ATF7IP: variants seen among roughly 807,000 people sequenced by gnomAD.
ATF7IP encodes activating transcription factor 7-interacting protein 1.
A neutral mutation model predicts 106.4 loss-of-function variants in ATF7IP; 23 were observed. The observed-to-expected ratio is 0.22, with a 90% CI of 0.16 to 0.31. ATF7IP has a LOEUF of 0.31. ATF7IP is among the 10% of genes least tolerant of loss of function. The pLI is 1.00. For synonymous variants in ATF7IP, 542 were observed against 539.0 expected (o/e 1.01, Z -0.08); for missense variants, 1,334 against 1,524.3 (o/e 0.88, Z 2.08).
Position 14,473,286 on chromosome 12 carries a change from C to CTA in ATF7IP, c.2863-2603_2863-2602insAT, listed in dbSNP as rs766915991. Among the ~76,000 whole-genome samples the CTA allele has an allele frequency of 1.1e-3, 58 of 53,748 alleles. 1 individual carries two copies. The highest frequency in any genetic ancestry group is 6.1e-3 in the African/African-American group (51 of 8,410). The allele number at this position is 53,748 out of a possible 152,430, so 35.3% of individuals were successfully genotyped here. ...TAGCTTTTTAGCGCGCTCTCTCTCT[C>CTA]TCTCTGTGTGTGTGTGTGTGTGTGT... On this transcript the variant is annotated intron_variant, in intron 10 of 14. Transcript: ENST00000261168.
intron 4 of ATF7IP, 107 bp downstream of exon 4, chr12:14,436,358 C>A: frequency 8.5e-7 from 1 of 1,177,202 alleles, no homozygotes; most frequent in South Asian, 1.5e-5. Context: ...TGTGGTTTAT[C>A]ATAGAAAGAA....
intron 1 of ATF7IP, among the ~76,000 whole-genome samples, chr12:14,401,690 G>A (rs1430126775): frequency 1.5e-5 from 2 of 135,314 alleles, no homozygotes; most frequent in African/African-American, 2.7e-5. Context: ...CCTGTTTTTA[G>A]CATTGTTTCA....
At chr12:14,409,882 C>T (rs1940810314) in intron 1 of ATF7IP, among the ~76,000 whole-genome samples, 1 of 152,110 alleles carries the variant, frequency 6.6e-6, no homozygotes, top group Non-Finnish European at 1.5e-5. Context: ...ATGAAAAACA[C>T]TCAACTGAAG....
intron 10 of ATF7IP, 119 bp from the exon 11 acceptor site, chr12:14,475,771 A>G (rs7298275): frequency 1 from 659,293 of 659,350 alleles, 329,618 homozygotes; most frequent in Middle Eastern, 1. Flanking sequence ...CAGCCATTTA[A>G]GGGTCCAGAT....
At chr12:14,459,313 G>A (rs543547125) in intron 8 of ATF7IP, among the ~76,000 whole-genome samples, 6 of 151,398 alleles carry the variant, frequency 4.0e-5, no homozygotes, top group Non-Finnish European at 8.8e-5. Context: ...ACTTTGGCAC[G>A]CAGTAGTTGT....
intron 12 of ATF7IP, among the ~76,000 whole-genome samples, chr12:14,479,031 G>T (rs1944350343): frequency 6.6e-6 from 1 of 152,146 alleles, no homozygotes; most frequent in Admixed American, 6.6e-5. Flanking sequence ...TAAAACTCTG[G>T]TGATTACTAA....
Position 14,501,578 on chromosome 12 carries a change from T to C in ATF7IP, c.*3505T>C, listed in dbSNP as rs1240899252. On this transcript the variant is annotated 3_prime_UTR_variant, in exon 15 of 15. Transcript: ENST00000261168. Reference sequence around the variant, plus strand: ...ACTCATTTTTAAAAAATATGCCGAATACTGCATACTGTTTAAGGTAGTATA... The same window carrying C: ...ACTCATTTTTAAAAAATATGCCGAACACTGCATACTGTTTAAGGTAGTATA... 6.6e-6 allele frequency: 1 copy of C among 152,176 alleles called. No homozygotes were observed. The highest frequency in any genetic ancestry group is 1.5e-5 in the Non-Finnish European group (1 of 68,022). 9.4% of individuals were successfully genotyped at this position (152,176 alleles called of 1,614,324 possible).
chr12:14,415,295 A>G (rs1298812936), intron 1 of ATF7IP, among the ~76,000 whole-genome samples: 7 of 152,230 alleles, frequency 4.6e-5, no homozygotes, highest in Non-Finnish European at 1.0e-4. Context: ...CAATGATCCC[A>G]AAAATTGACT....
At chr12:14,406,379 G>A (rs1356473942) in intron 1 of ATF7IP, among the ~76,000 whole-genome samples, 4 of 152,162 alleles carry the variant, frequency 2.6e-5, no homozygotes, top group African/African-American at 4.8e-5. Context: ...GATTACTGGC[G>A]AGAGCCACCG....
In ATF7IP at chr12:14,501,875, T is replaced by C. The variant is rs566155183; in HGVS notation, c.*3802T>C. The C allele has an allele frequency of 4.6e-5, 7 of 152,346 alleles. No homozygotes were observed. Among genetic ancestry groups the C allele is most frequent in the African/African-American group, 1.7e-4 (7 of 41,574 alleles). The allele number at this position is 152,346 out of a possible 1,614,324, so 9.4% of individuals were successfully genotyped here. On this transcript the variant is annotated 3_prime_UTR_variant, in exon 15 of 15. Transcript: ENST00000261168. ...CTTTTGCTTTAAATATTCTCCAAAT[T>C]ACCATTTATGCAACATGGTTAGGGT...
intron 13 of ATF7IP, among the ~76,000 whole-genome samples, chr12:14,483,652 C>G (rs1731245457): frequency 6.6e-6 from 1 of 152,010 alleles, no homozygotes; most frequent in African/African-American, 2.4e-5. Context: ...GATTCCTGGA[C>G]CCATGAATCC....
rs1457461422 is a variant in ATF7IP at position 14,499,398 on chromosome 12, G to A, written c.*1325G>A. On this transcript the variant is annotated 3_prime_UTR_variant, in exon 15 of 15. Coordinates refer to ENST00000261168, the MANE Select transcript of ATF7IP (RefSeq NM_018179.5). ...CAGTTTTTCACACATTTTAGTATCC[G>A]TGTTGCACACTGTGTTAGAGATTAT... 3.3e-5 allele frequency: 5 copies of A among 152,156 alleles called. No homozygotes were observed. The highest frequency in any genetic ancestry group is 4.8e-5 in the African/African-American group (2 of 41,428). 9.4% of individuals were successfully genotyped at this position (152,156 alleles called of 1,614,324 possible).
At chr12:14,415,287 A>G (rs1941143103) in intron 1 of ATF7IP, among the ~76,000 whole-genome samples, 1 of 152,240 alleles carries the variant, frequency 6.6e-6, no homozygotes, top group South Asian at 2.1e-4. Flanking sequence ...ATGTAACACA[A>G]TGATCCCAAA....
At position 14,460,712 on chromosome 12, in the gene ATF7IP, C is replaced by T; in HGVS notation, c.2376C>T (p.Ser792=). 25 of 1,614,194 alleles carry T rather than the reference C, an allele frequency of 1.5e-5. No individual in the cohort carries two copies. Among genetic ancestry groups the T allele is most frequent in the Non-Finnish European group, 2.0e-5 (24 of 1,180,030 alleles). Residue 792 remains serine, a synonymous_variant, in exon 9 of 15, where the codon TCC becomes TCT. Transcript: ENST00000261168. Reference sequence around the variant, plus strand: ...TTTTGCATGTACCTGTTGCAGTATCCTCCCAGCCTCAGCTTCTACAGAGCC... The same window carrying T: ...TTTTGCATGTACCTGTTGCAGTATCTTCCCAGCCTCAGCTTCTACAGAGCC... The part of the protein sequence containing the change: ...PVILHVPVAV[S]SQPQLLQSHP...
intron 1 of ATF7IP, among the ~76,000 whole-genome samples, chr12:14,372,478 ACCATAGGC>A (rs1296994624): frequency 6.7e-6 from 1 of 148,506 alleles, no homozygotes. Flanking sequence ...AAAAAAAAAT[ACCATAGGC>A]CTAAGGGAAC....
Position 14,498,343 on chromosome 12 carries a change from A to T in ATF7IP, c.*270A>T, listed in dbSNP as rs924278496. On this transcript the variant is annotated 3_prime_UTR_variant, in exon 15 of 15. Coordinates refer to ENST00000261168, the MANE Select transcript of ATF7IP (RefSeq NM_018179.5). ...GGCTGGGGAATATGTGTGGGTGTTT[A>T]TGTGTGTTTTTCCTTATGTAGGTGT... 5.5e-6 allele frequency: 2 copies of T among 362,862 alleles called. No homozygotes were observed. The highest frequency in any genetic ancestry group is 4.2e-5 in the African/African-American group (2 of 48,184). 22.5% of individuals were successfully genotyped at this position (362,862 alleles called of 1,614,324 possible).
intron 2 of ATF7IP, 65 bp downstream of exon 2, chr12:14,425,538 T>G: frequency 7.1e-7 from 1 of 1,417,306 alleles, no homozygotes; most frequent in Non-Finnish European, 9.4e-7. Flanking sequence ...AATAAAACAT[T>G]ATCATAATGT....
intron 13 of ATF7IP, among the ~76,000 whole-genome samples, chr12:14,492,766 G>T (rs1467567412): frequency 6.6e-6 from 1 of 152,060 alleles, no homozygotes; most frequent in Admixed American, 6.6e-5. Context: ...CCACCACTTG[G>T]CCCCTGCCAA....
chr12:14,417,652 T>C (rs947629576), intron 1 of ATF7IP, among the ~76,000 whole-genome samples: 6 of 152,202 alleles, frequency 3.9e-5, no homozygotes, highest in African/African-American at 1.4e-4. Context: ...TGTATATTTC[T>C]TGAAATGTTC....
Sources: gnomAD v4.1 joint callset for allele counts (sites outside exome capture counted in the v4.1 genomes callset) on GRCh38, gnomAD v4.1.1 for gene constraint, MANE v1.5 for transcripts, NCBI Gene and HGNC (gene_info 2026-07-23, HGNC 2026-07-21) for gene names.